The following RUFY1 variants were observed in gnomAD, a reference collection of about 807,000 sequenced individuals.
The protein encoded by RUFY1 is RUN and FYVE domain-containing protein 1.
A neutral mutation model predicts 94.6 loss-of-function variants in RUFY1; 54 were observed. That is an observed-to-expected ratio of 0.57 (90% CI 0.46 to 0.72). The LOEUF is 0.72. Ranked by LOEUF, RUFY1 falls within the 30% of genes least tolerant of loss-of-function variation. The pLI is 0.00. For synonymous variants in RUFY1, 396 were observed against 347.3 expected (o/e 1.14, Z -1.56); for missense variants, 883 against 883.9 (o/e 1.00, Z 0.01).
chr5:179,555,880 A>G (rs1186835466), intron 1 of RUFY1: 2 of 238,514 alleles, frequency 8.4e-6, no homozygotes, highest in Non-Finnish European at 1.7e-5. Context: ...GGGTTTCACC[A>G]TGTTGGCCAG....
intron 7 of RUFY1, among the ~76,000 whole-genome samples, chr5:179,585,334 G>T (rs1393508995): frequency 5.3e-5 from 8 of 152,194 alleles, no homozygotes. Flanking sequence ...CCAGCACTTT[G>T]GAAGGCCAGG....
At chr5:179,551,036 T>G (rs1289027072) in intron 1 of RUFY1, among the ~76,000 whole-genome samples, 157 bp downstream of exon 1, 1 of 151,774 alleles carries the variant, frequency 6.6e-6, no homozygotes, top group African/African-American at 2.4e-5. Context: ...CCTGGGTCTT[T>G]ACTCCGGCGG....
intron 5 of RUFY1, among the ~76,000 whole-genome samples, chr5:179,573,923 C>T (rs745528648): frequency 3.0e-4 from 45 of 152,130 alleles, no homozygotes; most frequent in Non-Finnish European, 5.4e-4. Context: ...TATAATTGAA[C>T]TAATTCATAG....
Position 179,605,944 on chromosome 5 carries a change from C to T in RUFY1, c.1905+20C>T, listed in dbSNP as rs1271782229. On this transcript the variant is annotated intron_variant, in intron 16 of 17. Coordinates refer to ENST00000319449, the MANE Select transcript of RUFY1 (RefSeq NM_025158.5). ...CTGAAGGTACTGCCTTGCTAAGAAC[C>T]ACTTCTTTGCTGTCAGCTTGTGCTG... The T allele has an allele frequency of 1.3e-6, 2 of 1,554,282 alleles. No individual in the cohort carries two copies. The highest frequency in any genetic ancestry group is 2.2e-5 in the South Asian group (2 of 89,934).
chr5:179,608,274 C>T, intron 17 of RUFY1: 2 of 986,972 alleles, frequency 2.0e-6, no homozygotes, highest in Non-Finnish European at 1.2e-6. Flanking sequence ...TCTGTCTGTT[C>T]CCATCAACAG....
rs149099074 is a variant in RUFY1, at chr5:179,580,241, G to GTGTGTGTGTGTGTATA, written c.891-705_891-704insGTGTGTGTGTGTATAT. Among the ~76,000 whole-genome samples, 218 of 93,872 alleles carry GTGTGTGTGTGTGTATA rather than the reference G, an allele frequency of 2.3e-3. 1 individual carries two copies. The highest frequency in any genetic ancestry group is 3.4e-3 in the Non-Finnish European group (145 of 42,658). The allele number at this position is 93,872 out of a possible 152,430, so 61.6% of individuals were successfully genotyped here. A position where few individuals can be genotyped will look rare whatever the true frequency, so the allele number is the denominator to read the frequency against. ...TGTGTGTGTGTGTGTGTGTGTGTGT[G>GTGTGTGTGTGTGTATA]TATATTTTTTTTTTTTTTTGAGACG... On this transcript the variant is annotated intron_variant, in intron 6 of 17. Coordinates refer to ENST00000319449, the MANE Select transcript of RUFY1 (RefSeq NM_025158.5).
At chr5:179,581,110 T>C in intron 7 of RUFY1, 98 bp downstream of exon 7, 2 of 733,248 alleles carry the variant, frequency 2.7e-6, no homozygotes, top group Non-Finnish European at 4.7e-6. Flanking sequence ...AAATAACTTG[T>C]TTCCAAACCA....
chr5:179,570,611 C>T (rs1763154737), intron 5 of RUFY1, among the ~76,000 whole-genome samples: 2 of 152,162 alleles, frequency 1.3e-5, no homozygotes, highest in African/African-American at 2.4e-5. Flanking sequence ...CTTCCACCCC[C>T]TCTTCGGGGC....
intron 17 of RUFY1, chr5:179,608,629 T>A: frequency 1.0e-6 from 1 of 985,366 alleles, no homozygotes; most frequent in Non-Finnish European, 1.2e-6. Context: ...AAACTTTTTG[T>A]CTTAAAAACA....
chr5:179,585,857 C>T lies in RUFY1; in HGVS notation c.1018C>T (p.Gln340Ter). 6.2e-7 allele frequency: 1 copy of T among 1,612,532 alleles called. No homozygotes were observed. The highest frequency in any genetic ancestry group is 8.5e-7 in the Non-Finnish European group (1 of 1,178,552). Reference protein sequence around the residue: ...DGLEKTNSKLQEELSAATDRI... With the variant: ...DGLEKTNSKL ...CTTGGAAAAGACTAACTCAAAGCTTCAAGAAGAGGTTTGTAAGTTTTATTG... is the reference window on the plus strand; with the variant it reads ...CTTGGAAAAGACTAACTCAAAGCTTTAAGAAGAGGTTTGTAAGTTTTATTG... Residue 340 changes from glutamine (Q) to a stop codon, truncating the protein, a stop_gained, in exon 8 of 18, where the codon CAA (glutamine) becomes TAA (stop). Coordinates refer to ENST00000319449, the MANE Select transcript of RUFY1 (RefSeq NM_025158.5). LOFTEE classifies it high-confidence loss of function.
chr5:179,559,801 C>G, intron 1 of RUFY1: 1 of 1,296,986 alleles, frequency 7.7e-7, no homozygotes, highest in Non-Finnish European at 9.8e-7. Context: ...GCAGGAGGCC[C>G]AGTGGCTCTT....
intron 6 of RUFY1, 23 bp downstream of exon 6, chr5:179,577,159 CTTTTTT>C (rs748319712): frequency 7.0e-3 from 1,302 of 185,476 alleles, no homozygotes; most frequent in African/African-American, 0.019. Context: ...TTGTATGTCA[CTTTTTT>C]TTTTTTTTTT....
chr5:179,593,462 T>C lies in RUFY1; in HGVS notation c.1246-16T>C. ...ATCTATTTTAATAACATTTTCCTTG[T>C]AAATATCCTTTTAAGGAACTGGAAA... On this transcript the variant is annotated splice_polypyrimidine_tract_variant and intron_variant, in intron 10 of 17. Coordinates refer to ENST00000319449, the MANE Select transcript of RUFY1 (RefSeq NM_025158.5). 1 of 1,581,346 alleles carries C rather than the reference T, an allele frequency of 6.3e-7. No homozygotes were observed. The highest frequency in any genetic ancestry group is 8.7e-7 in the Non-Finnish European group (1 of 1,150,346).
chr5:179,579,660 T>TTTCTTTTC (rs1433970897), intron 6 of RUFY1, among the ~76,000 whole-genome samples: 6 of 79,616 alleles, frequency 7.5e-5, no homozygotes, highest in Non-Finnish European at 1.4e-4. Context: ...TCTTCTTCTT[T>TTTCTTTTC]TTTTTTTTTT....
rs1761781218 is a variant in RUFY1 at position 179,550,705 on chromosome 5, G to C, written c.136G>C (p.Gly46Arg). Residue 46 changes from glycine to arginine, a missense_variant, in exon 1 of 18, where the codon GGC becomes CGC. By Grantham distance (125) the Gly-to-Arg change is moderately radical. Transcript: ENST00000319449. Reference sequence around the variant, plus strand: ...GATCGTGGACCGAAGCCAGCTGCCCGGCCCAGGCGACCTGCGGAGCGCAAC... The same window carrying C: ...GATCGTGGACCGAAGCCAGCTGCCCCGCCCAGGCGACCTGCGGAGCGCAAC... ...FEIVDRSQLP[G>R]PGDLRSATRP... is the part of the protein sequence containing the mutation. The C allele has an allele frequency of 1.3e-6, 2 of 1,490,738 alleles. No homozygotes were observed. The highest frequency in any genetic ancestry group is 1.8e-6 in the Non-Finnish European group (2 of 1,125,646). 92.3% of individuals were successfully genotyped at this position (1,490,738 alleles called of 1,614,324 possible).
At chr5:179,608,271 G>A in intron 17 of RUFY1, 1 of 986,822 alleles carries the variant, frequency 1.0e-6, no homozygotes, top group Non-Finnish European at 1.2e-6. Flanking sequence ...TGTTCTGTCT[G>A]TTCCCATCAA....
At position 179,567,517 on chromosome 5, in the gene RUFY1, T is replaced by C. The variant is rs1287068083; in HGVS notation, c.659T>C (p.Leu220Pro). 6.2e-7 allele frequency: 1 copy of C among 1,614,018 alleles called. No homozygotes were observed. Reference protein sequence around the residue: ...WLYLALMQKKLADYLKVLIDN... With the variant: ...WLYLALMQKKPADYLKVLIDN... ...TATCTTGCACTCATGCAAAAGAAAC[T>C]GGCAGATTATCTGAAAGTGCTTATA... Residue 220 changes from leucine (L) to proline (P), a missense_variant, in exon 4 of 18, where the codon CTG (leucine) becomes CCG (proline). Physicochemically the swap from Leu to Pro is moderately conservative, Grantham distance 98. Coordinates refer to ENST00000319449, the MANE Select transcript of RUFY1 (RefSeq NM_025158.5).
rs756510430 is a variant in RUFY1 at position 179,607,677 on chromosome 5, C to T, written c.1983+18C>T. ...GGAGAAAGGTACGTGGGGGCTCCACCCACCCTCCCAGTGCCCTGAGTCGTT... is the reference window on the plus strand; with the variant it reads ...GGAGAAAGGTACGTGGGGGCTCCACTCACCCTCCCAGTGCCCTGAGTCGTT... On this transcript the variant is annotated intron_variant, in intron 17 of 17. Coordinates refer to ENST00000319449, the MANE Select transcript of RUFY1 (RefSeq NM_025158.5). 8.7e-6 allele frequency: 14 copies of T among 1,606,452 alleles called. No individual in the cohort carries two copies. Among genetic ancestry groups the T allele is most frequent in the Admixed American group, 3.3e-5 (2 of 59,998 alleles).
rs1767560094 is a variant in RUFY1, at chr5:179,609,905, C to T, written c.*386C>T. 5.9e-6 allele frequency: 1 copy of T among 168,634 alleles called. No individual in the cohort carries two copies. Among genetic ancestry groups the T allele is most frequent in the Non-Finnish European group, 1.3e-5 (1 of 79,002 alleles). 10.4% of individuals were successfully genotyped at this position (168,634 alleles called of 1,614,324 possible). ...CCTGATTCATGCACAGCGTTTGACA[C>T]ACATGGAGTCTGCCAGTGTGCCTTC... On this transcript the variant is annotated 3_prime_UTR_variant, in exon 18 of 18. Transcript: ENST00000319449.
Sources: gnomAD v4.1 joint callset for allele counts (sites outside exome capture counted in the v4.1 genomes callset) on GRCh38, gnomAD v4.1.1 for gene constraint, MANE v1.5 for transcripts, NCBI Gene and HGNC (gene_info 2026-07-23, HGNC 2026-07-21) for gene names.